TMEM132D: variants seen among roughly 807,000 people sequenced by gnomAD.
The protein encoded by TMEM132D is transmembrane protein 132D, also known as mature OL transmembrane protein.
A neutral mutation model predicts 62.3 loss-of-function variants in TMEM132D; 21 were observed. That is an observed-to-expected ratio of 0.34 (90% CI 0.24 to 0.49). TMEM132D has a LOEUF of 0.49. Among genes scored for constraint, TMEM132D ranks in the 20% least tolerant of loss-of-function variants. TMEM132D has a pLI of 0.99. For missense variants in TMEM132D, 1,346 were observed against 1,402.8 expected (o/e 0.96, Z 0.65); for synonymous variants, 621 against 575.6 (o/e 1.08, Z -1.13).
intron 4 of TMEM132D, among the ~76,000 whole-genome samples, chr12:129,266,624 C>G (rs955016302): frequency 6.7e-6 from 1 of 149,602 alleles, no homozygotes; most frequent in African/African-American, 2.5e-5. Context: ...CTCTCCTCTC[C>G]TCTCTCTGTG....
intron 1 of TMEM132D, among the ~76,000 whole-genome samples, chr12:129,810,564 ACACACACACC>A (rs764479611): frequency 1.1e-5 from 1 of 89,040 alleles, no homozygotes; most frequent in Non-Finnish European, 2.6e-5. Flanking sequence ...ACACACACAC[ACACACACACC>A]CCCCCACACT....
intron 5 of TMEM132D, among the ~76,000 whole-genome samples, chr12:129,120,044 G>A (rs1876008630): frequency 6.6e-6 from 1 of 152,092 alleles, no homozygotes. Flanking sequence ...ATAAAAAAAA[G>A]ACACTATGGC....
At chr12:129,772,501 C>CT (rs1593156102) in intron 1 of TMEM132D, among the ~76,000 whole-genome samples, 2 of 152,280 alleles carry the variant, frequency 1.3e-5, no homozygotes. Flanking sequence ...CCCACGACTC[C>CT]TGGAAAGGGC....
intron 3 of TMEM132D, among the ~76,000 whole-genome samples, chr12:129,367,470 G>A (rs10847838): frequency 0.17 from 25,272 of 152,118 alleles, 2,565 homozygotes; most frequent in Non-Finnish European, 0.23. Flanking sequence ...GTGTGGGCAT[G>A]GACCCAGGTT....
At chr12:129,221,500 G>A (rs1486432128) in intron 4 of TMEM132D, among the ~76,000 whole-genome samples, 1 of 152,148 alleles carries the variant, frequency 6.6e-6, no homozygotes, top group African/African-American at 2.4e-5. Flanking sequence ...CAGCAGGATA[G>A]ATTGCTCAGA....
intron 1 of TMEM132D, among the ~76,000 whole-genome samples, chr12:129,830,504 C>T (rs1391628873): frequency 6.6e-6 from 1 of 152,172 alleles, no homozygotes; most frequent in Non-Finnish European, 1.5e-5. Flanking sequence ...GCTTTCCTCT[C>T]TCACCTACCT....
chr12:129,323,426 A>C (rs1868785195), intron 4 of TMEM132D, among the ~76,000 whole-genome samples: 1 of 151,976 alleles, frequency 6.6e-6, no homozygotes, highest in Non-Finnish European at 1.5e-5. Context: ...ACAGAAAAAA[A>C]ATATCTAGCA....
intron 3 of TMEM132D, among the ~76,000 whole-genome samples, chr12:129,479,035 T>C (rs1171974227): frequency 6.6e-6 from 1 of 152,236 alleles, no homozygotes. Flanking sequence ...CGTGGACTTC[T>C]AGTGCATGAT....
At chr12:129,538,387 T>C (rs879348426) in intron 2 of TMEM132D, among the ~76,000 whole-genome samples, 4 of 152,144 alleles carry the variant, frequency 2.6e-5, no homozygotes, top group Non-Finnish European at 5.9e-5. Flanking sequence ...TTTATTCATA[T>C]AGAGTATGAT....
intron 2 of TMEM132D, among the ~76,000 whole-genome samples, chr12:129,649,632 T>C (rs1315536533): frequency 1.3e-5 from 2 of 152,138 alleles, no homozygotes; most frequent in African/African-American, 2.4e-5. Flanking sequence ...CAATAGGGTA[T>C]AGAAATATAT....
chr12:129,275,255 TG>T (rs1880973574), intron 4 of TMEM132D, among the ~76,000 whole-genome samples: 1 of 152,082 alleles, frequency 6.6e-6, no homozygotes. Context: ...CACTACAGCC[TG>T]GGTGACAAAG....
In TMEM132D at chr12:129,307,716, C is replaced by T. The variant is rs574122017; in HGVS notation, c.1299+29918G>A. Among the ~76,000 whole-genome samples, 15 of 152,220 alleles carry T rather than the reference C, an allele frequency of 9.9e-5. No homozygotes were observed. In the South Asian group the frequency reaches 2.5e-3, roughly 25 times the overall value. On this transcript the variant is annotated intron_variant, in intron 4 of 8. Transcript: ENST00000422113. ...CTTGTTGCTGTAACTGCAGATCATTCGAATCTGCCCTCTTCTCTCTGCACC... is the reference window on the plus strand; with the variant it reads ...CTTGTTGCTGTAACTGCAGATCATTTGAATCTGCCCTCTTCTCTCTGCACC...
In TMEM132D at chr12:129,779,394, TCCTC is replaced by T. The variant is rs1488271248; in HGVS notation, c.80-78700_80-78697del. Among the ~76,000 whole-genome samples, 4 of 152,264 alleles carry T rather than the reference TCCTC, an allele frequency of 2.6e-5. No homozygotes were observed. In the East Asian group the frequency reaches 7.7e-4, roughly 29 times the overall value. On this transcript the variant is annotated intron_variant, in intron 1 of 8. Coordinates refer to ENST00000422113, the MANE Select transcript of TMEM132D (RefSeq NM_133448.3). The surrounding 1 kb of genome is among the most constrained non-coding windows in gnomAD (Gnocchi z 4.1). ...ACCTCCACTTCCTGGGTTCAGGTGATCCTCCCACCTCAGCCTCCCAAGTAGCAGG... is the reference window on the plus strand; with the variant it reads ...ACCTCCACTTCCTGGGTTCAGGTGATCCACCTCAGCCTCCCAAGTAGCAGG...
At chr12:129,760,755 C>A (rs1326016769) in intron 1 of TMEM132D, among the ~76,000 whole-genome samples, 1 of 151,828 alleles carries the variant, frequency 6.6e-6, no homozygotes, top group Non-Finnish European at 1.5e-5. Flanking sequence ...TCAACCCCTC[C>A]TCTAGGTTTT....
intron 2 of TMEM132D, among the ~76,000 whole-genome samples, chr12:129,673,407 A>C (rs907097735): frequency 1.3e-5 from 2 of 152,232 alleles, no homozygotes; most frequent in African/African-American, 4.8e-5. Context: ...TTTCCATTCT[A>C]CTTTCATACA....
chr12:129,709,973 C>A (rs1207839641), intron 1 of TMEM132D, among the ~76,000 whole-genome samples: 1 of 152,120 alleles, frequency 6.6e-6, no homozygotes, highest in East Asian at 1.9e-4. Flanking sequence ...TATAGAAGTG[C>A]TTAAGACATG....
chr12:129,631,925 A>C (rs1879354656), intron 2 of TMEM132D, among the ~76,000 whole-genome samples: 1 of 152,196 alleles, frequency 6.6e-6, no homozygotes, highest in African/African-American at 2.4e-5. Context: ...ACCACATAAG[A>C]GCCATATAAT....
intron 2 of TMEM132D, among the ~76,000 whole-genome samples, chr12:129,594,321 T>A (rs895082390): frequency 1.3e-5 from 2 of 152,192 alleles, no homozygotes; most frequent in Non-Finnish European, 2.9e-5. Context: ...TTCTTGACAG[T>A]CATCACATAG....
At chr12:129,690,178 T>C (rs1593121445) in intron 2 of TMEM132D, among the ~76,000 whole-genome samples, 1 of 152,072 alleles carries the variant, frequency 6.6e-6, no homozygotes, top group Non-Finnish European at 1.5e-5. Context: ...AAAATGTATA[T>C]TAAAAATTTT....
Sources: gnomAD v4.1 joint callset for allele counts (sites outside exome capture counted in the v4.1 genomes callset) on GRCh38, gnomAD v4.1.1 for gene constraint, Gnocchi (gnomAD v3.1) non-coding constraint, MANE v1.5 for transcripts, NCBI Gene and HGNC (gene_info 2026-07-23, HGNC 2026-07-21) for gene names.